The following CADPS2 variants were observed in gnomAD, a reference collection of about 807,000 sequenced individuals.
CADPS2 encodes calcium dependent secretion activator 2, also known as calcium-dependent secretion activator 2.
A neutral mutation model predicts 172.5 loss-of-function variants in CADPS2; 93 were observed. The observed-to-expected ratio is 0.54, with a 90% CI of 0.46 to 0.64. The LOEUF is 0.64. Among genes scored for constraint, CADPS2 ranks in the 30% least tolerant of loss-of-function variants. The pLI is 0.00. For synonymous variants in CADPS2, 546 were observed against 555.2 expected (o/e 0.98, Z 0.23); for missense variants, 1,420 against 1,565.9 (o/e 0.91, Z 1.57).
chr7:122,485,479 T>G (rs1223690344), intron 11 of CADPS2, among the ~76,000 whole-genome samples: 1 of 152,120 alleles, frequency 6.6e-6, no homozygotes, highest in Non-Finnish European at 1.5e-5. Context: ...CAAAGCCTAA[T>G]CCAGAGCAAG....
chr7:122,415,022 A>G (rs2047718370), intron 18 of CADPS2, among the ~76,000 whole-genome samples: 1 of 152,232 alleles, frequency 6.6e-6, no homozygotes, highest in African/African-American at 2.4e-5. Flanking sequence ...TTTTGTTAAC[A>G]AACTCATGGC....
At chr7:122,555,653 A>G (rs1410572086) in intron 7 of CADPS2, among the ~76,000 whole-genome samples, 1 of 152,130 alleles carries the variant, frequency 6.6e-6, no homozygotes, top group Non-Finnish European at 1.5e-5. Context: ...CTTCTTGTGC[A>G]TAAATCTTGA....
intron 17 of CADPS2, among the ~76,000 whole-genome samples, chr7:122,420,773 G>A (rs981877544): frequency 1.3e-5 from 2 of 152,198 alleles, no homozygotes; most frequent in African/African-American, 4.8e-5. Flanking sequence ...GTTGCTTGAT[G>A]AATTTCAATG....
chr7:122,625,347 G>T (rs2075987855), intron 4 of CADPS2, among the ~76,000 whole-genome samples: 1 of 152,144 alleles, frequency 6.6e-6, no homozygotes, highest in African/African-American at 2.4e-5. Context: ...ACCGCATCTA[G>T]CCCAATTAAT....
chr7:122,582,724 T>G (rs191023230), intron 6 of CADPS2, among the ~76,000 whole-genome samples: 150 of 152,160 alleles, frequency 9.9e-4, no homozygotes, highest in African/African-American at 3.0e-3. Flanking sequence ...TGACATACCC[T>G]TTTAAATTCA....
intron 8 of CADPS2, among the ~76,000 whole-genome samples, chr7:122,535,684 T>C (rs2131431777): frequency 6.6e-6 from 1 of 152,190 alleles, no homozygotes; most frequent in South Asian, 2.1e-4. Context: ...AACAAATATA[T>C]ATTTGGATTT....
chr7:122,409,124 T>C (rs534347847), intron 19 of CADPS2, among the ~76,000 whole-genome samples: 1 of 152,302 alleles, frequency 6.6e-6, no homozygotes, highest in South Asian at 2.1e-4. Flanking sequence ...AAATATGTGA[T>C]AAAATGGGTA....
chr7:122,624,452 T>C (rs968855428), intron 4 of CADPS2, among the ~76,000 whole-genome samples: 2 of 152,210 alleles, frequency 1.3e-5, no homozygotes, highest in African/African-American at 4.8e-5. Context: ...CTGGGGTTCA[T>C]ATCACAGGAT....
At chr7:122,469,513 C>G (rs1271516070) in intron 14 of CADPS2, among the ~76,000 whole-genome samples, 6 of 152,096 alleles carry the variant, frequency 3.9e-5, no homozygotes, top group African/African-American at 1.2e-4. Flanking sequence ...CCTGTACCCC[C>G]CCATTTTCTA....
At chr7:122,737,094 GA>G (rs2092208758) in intron 1 of CADPS2, 26 bp from the exon 2 acceptor site, 2 of 1,248,170 alleles carry the variant, frequency 1.6e-6, no homozygotes, top group Non-Finnish European at 2.4e-6. Flanking sequence ...AAAATAAGCA[GA>G]TAAATTGGCC....
At chr7:122,804,774 T>C (rs1050931816) in intron 1 of CADPS2, among the ~76,000 whole-genome samples, 1 of 152,218 alleles carries the variant, frequency 6.6e-6, no homozygotes, top group African/African-American at 2.4e-5. Flanking sequence ...AGATTTCCTA[T>C]GTCTTGCCTT....
chr7:122,556,446 T>C (rs553745325), intron 7 of CADPS2, among the ~76,000 whole-genome samples: 14 of 152,116 alleles, frequency 9.2e-5, no homozygotes, highest in Admixed American at 1.3e-4. Context: ...TTACAGACTT[T>C]ATTGTTTTTT....
intron 7 of CADPS2, among the ~76,000 whole-genome samples, chr7:122,569,246 CA>C (rs1211128712): frequency 6.6e-6 from 1 of 152,050 alleles, no homozygotes; most frequent in Non-Finnish European, 1.5e-5. Context: ...AACAGACAAA[CA>C]GAGAGCCAAA....
At chr7:122,372,820 A>C (rs1268425800) in intron 25 of CADPS2, among the ~76,000 whole-genome samples, 1 of 152,224 alleles carries the variant, frequency 6.6e-6, no homozygotes, top group Non-Finnish European at 1.5e-5. Context: ...CAGATTTCCC[A>C]GAGACGTAGA....
intron 7 of CADPS2, among the ~76,000 whole-genome samples, chr7:122,555,189 T>C (rs1394238997): frequency 6.6e-6 from 1 of 152,130 alleles, no homozygotes; most frequent in Non-Finnish European, 1.5e-5. Context: ...CAGCACATTT[T>C]CTGCTGTAGA....
At chr7:122,870,566 G>A (rs1585055821) in intron 1 of CADPS2, among the ~76,000 whole-genome samples, 1 of 152,066 alleles carries the variant, frequency 6.6e-6, no homozygotes, top group East Asian at 1.9e-4. Context: ...ATTGCATGGT[G>A]ACTGACCACA....
chr7:122,579,682 G>C (rs1030081229), intron 7 of CADPS2, among the ~76,000 whole-genome samples: 5 of 151,706 alleles, frequency 3.3e-5, no homozygotes, highest in African/African-American at 1.2e-4. Flanking sequence ...GAAAAACCCT[G>C]ATTAATAAAA....
At chr7:122,643,502 T>C (rs1563941486) in intron 3 of CADPS2, among the ~76,000 whole-genome samples, 4 of 152,214 alleles carry the variant, frequency 2.6e-5, no homozygotes, top group Non-Finnish European at 1.5e-5. Flanking sequence ...GCTGGGCCTC[T>C]CGCTTTGAGT....
intron 1 of CADPS2, chr7:122,849,744 C>T: frequency 2.4e-6 from 1 of 413,260 alleles, no homozygotes. Flanking sequence ...TCAGTAGAAG[C>T]TCCAACAATG....
Sources: gnomAD v4.1 joint callset for allele counts (sites outside exome capture counted in the v4.1 genomes callset) on GRCh38, gnomAD v4.1.1 for gene constraint, MANE v1.5 for transcripts, NCBI Gene and HGNC (gene_info 2026-07-23, HGNC 2026-07-21) for gene names.